Variants in YIPF7 observed in about 807,000 individuals in gnomAD.
YIPF7 encodes protein YIPF7.
Under a neutral mutation model 27.2 loss-of-function variants are expected in YIPF7, and 35 were observed. The ratio of observed to expected loss-of-function variants is 1.29; its 90% CI spans 0.98 to 1.70. The LOEUF (loss-of-function observed/expected upper bound fraction) is 1.70. Ranked by LOEUF, YIPF7 falls within the 40% of genes most tolerant of loss-of-function variation. YIPF7 has a pLI of 0.00. For synonymous variants in YIPF7, 137 were observed against 110.4 expected (o/e 1.24, Z -1.51); for missense variants, 358 against 303.7 (o/e 1.18, Z -1.33).
intron 4 of YIPF7, among the ~76,000 whole-genome samples, chr4:44,628,649 C>A (rs1467865497): frequency 6.6e-6 from 1 of 150,492 alleles, no homozygotes; most frequent in Non-Finnish European, 1.5e-5. Context: ...GACATTTTCT[C>A]ATTTTTTTCT....
intron 4 of YIPF7, among the ~76,000 whole-genome samples, chr4:44,627,661 A>G (rs561166088): frequency 6.6e-6 from 1 of 152,318 alleles, no homozygotes; most frequent in South Asian, 2.1e-4. Context: ...TTCAAGTGAT[A>G]ATGTTTGCAT....
intron 1 of YIPF7, among the ~76,000 whole-genome samples, chr4:44,660,942 A>T (rs1258849674): frequency 6.6e-6 from 1 of 152,224 alleles, no homozygotes; most frequent in Non-Finnish European, 1.5e-5. Flanking sequence ...AAAATAGACA[A>T]GGGAACTTTC....
intron 5 of YIPF7, among the ~76,000 whole-genome samples, chr4:44,622,897 C>T (rs909397327): frequency 9.9e-5 from 15 of 152,152 alleles, no homozygotes; most frequent in South Asian, 4.1e-4. Context: ...CATTGAGAGC[C>T]TTCACTTCCT....
intron 2 of YIPF7, among the ~76,000 whole-genome samples, 174 bp downstream of exon 2, chr4:44,649,811 T>C (rs1713659815): frequency 6.6e-6 from 1 of 152,172 alleles, no homozygotes; most frequent in Non-Finnish European, 1.5e-5. Context: ...AAGTATACTG[T>C]ATTTTGTTAA....
chr4:44,629,473 C>G lies in YIPF7; in HGVS notation c.356G>C (p.Ser119Thr). The part of the protein sequence containing the change: ...VLNPMKPVDG[S>T]IMNETDLTGP... Reference sequence around the variant, plus strand: ...AGTGAGGTCCGTTTCATTCATAATGCTGCCATCTACTGGCTTCATTGGGTT... The same window carrying G: ...AGTGAGGTCCGTTTCATTCATAATGGTGCCATCTACTGGCTTCATTGGGTT... Residue 119 changes from serine to threonine, a missense_variant, in exon 4 of 6, where the codon AGC (serine) becomes ACC (threonine). Physicochemically the swap from Ser to Thr is moderately conservative, Grantham distance 58. Coordinates refer to ENST00000415895, the MANE Select transcript of YIPF7 (RefSeq NM_182592.3). 1 of 1,594,906 alleles carries G rather than the reference C, an allele frequency of 6.3e-7. No individual in the cohort carries two copies.
At chr4:44,638,457 A>C (rs181089594) in intron 2 of YIPF7, among the ~76,000 whole-genome samples, 1 of 151,368 alleles carries the variant, frequency 6.6e-6, no homozygotes, top group African/African-American at 2.4e-5. Flanking sequence ...CATATGAAAA[A>C]ATGCTCAGCA....
chr4:44,658,399 C>T (rs1445708136), intron 2 of YIPF7, among the ~76,000 whole-genome samples: 7 of 152,110 alleles, frequency 4.6e-5, no homozygotes. Flanking sequence ...AATAAATTTC[C>T]ACTGTTGACA....
chr4:44,624,235 T>A (rs921233994), intron 5 of YIPF7, among the ~76,000 whole-genome samples: 1 of 151,952 alleles, frequency 6.6e-6, no homozygotes, highest in African/African-American at 2.4e-5. Flanking sequence ...TGGCTAATTT[T>A]GTATTTTTAG....
At chr4:44,629,303 T>G in intron 4 of YIPF7, 100 bp downstream of exon 4, 1 of 1,294,144 alleles carries the variant, frequency 7.7e-7, no homozygotes, top group Non-Finnish European at 9.9e-7. Flanking sequence ...AAATTCACTA[T>G]GTAAGGTGAC....
chr4:44,635,924 T>A lies in YIPF7; in HGVS notation c.278A>T (p.Glu93Val). The A allele has an allele frequency of 6.2e-7, 1 of 1,613,658 alleles. No individual in the cohort carries two copies. The highest frequency in any genetic ancestry group is 1.1e-5 in the South Asian group (1 of 91,052). Residue 93 changes from glutamate (E) to valine (V), a missense_variant and splice_region_variant, in exon 3 of 6, where the codon GAA becomes GTA. Glu to Val is a moderately radical substitution (Grantham distance 121). Transcript: ENST00000415895. Reference protein sequence around the residue: ...DSFDEEPPLLEELGIHFDHIW... With the variant: ...DSFDEEPPLLVELGIHFDHIW... ...TTAATAACACTTCCTTAACTTATCT[T>A]CTAGCAAAGGAGGCTCTTCATCAAA...
chr4:44,626,383 A>G (rs1052373549), intron 4 of YIPF7, among the ~76,000 whole-genome samples: 21 of 152,192 alleles, frequency 1.4e-4, no homozygotes, highest in African/African-American at 5.1e-4. Flanking sequence ...TTAATATTTT[A>G]CTTGGATGGG....
intron 2 of YIPF7, among the ~76,000 whole-genome samples, chr4:44,638,097 C>T (rs367721079): frequency 2.5e-4 from 38 of 152,102 alleles, no homozygotes; most frequent in African/African-American, 9.2e-4. Context: ...AAATGCTCAA[C>T]GTCACCAATA....
intron 2 of YIPF7, among the ~76,000 whole-genome samples, chr4:44,658,991 T>C (rs1036658311): frequency 6.6e-6 from 1 of 152,162 alleles, no homozygotes; most frequent in African/African-American, 2.4e-5. Flanking sequence ...ATTATTTATA[T>C]TTATTTCTAT....
At chr4:44,623,853 G>A (rs992689182) in intron 5 of YIPF7, among the ~76,000 whole-genome samples, 5 of 152,126 alleles carry the variant, frequency 3.3e-5, no homozygotes, top group African/African-American at 1.2e-4. Flanking sequence ...ATTCTACGTG[G>A]CAAAGAGCCC....
intron 2 of YIPF7, among the ~76,000 whole-genome samples, chr4:44,641,919 C>G (rs1328894411): frequency 6.6e-6 from 1 of 152,174 alleles, no homozygotes; most frequent in East Asian, 1.9e-4. Flanking sequence ...ATCAAAAACA[C>G]TGGTAGAAAC....
chr4:44,660,788 G>A (rs1250030149), intron 1 of YIPF7, among the ~76,000 whole-genome samples: 1 of 152,148 alleles, frequency 6.6e-6, no homozygotes, highest in Non-Finnish European at 1.5e-5. Flanking sequence ...ACACCCCAAG[G>A]GGACTATTAG....
chr4:44,650,507 G>GCGCGCGCACACACACA (rs6148421), intron 1 of YIPF7, among the ~76,000 whole-genome samples: 6 of 137,086 alleles, frequency 4.4e-5, no homozygotes, highest in African/African-American at 1.6e-4. Context: ...GCGCGCGCGC[G>GCGCGCGCACACACACA]CACACACACA....
rs1429372487 is a variant in YIPF7, at chr4:44,622,410, T to A, written c.*4A>T. On this transcript the variant is annotated 3_prime_UTR_variant, in exon 6 of 6. Transcript: ENST00000415895. ...GAGTCTTGAAATGCCATCTCAAACA[T>A]TCTTTAGAAAATTGTTAGGAGGGCA... 6.2e-7 allele frequency: 1 copy of A among 1,609,932 alleles called. No homozygotes were observed. The highest frequency in any genetic ancestry group is 1.3e-5 in the African/African-American group (1 of 74,940).
intron 2 of YIPF7, among the ~76,000 whole-genome samples, chr4:44,638,916 A>G (rs553020423): frequency 6.6e-6 from 1 of 152,320 alleles, no homozygotes; most frequent in South Asian, 2.1e-4. Context: ...ATGGCAATCC[A>G]ATTGTCCCAG....
Sources: gnomAD v4.1 joint callset for allele counts (sites outside exome capture counted in the v4.1 genomes callset) on GRCh38, gnomAD v4.1.1 for gene constraint, MANE v1.5 for transcripts, NCBI Gene and HGNC (gene_info 2026-07-23, HGNC 2026-07-21) for gene names.